CNOT6L: variants seen among roughly 807,000 people sequenced by gnomAD.
CNOT6L encodes CCR4-NOT transcription complex subunit 6-like.
In CNOT6L, 7 loss-of-function variants were observed where a neutral mutation model predicts 64.0. That is an observed-to-expected ratio of 0.11 (90% CI 0.06 to 0.21). CNOT6L has a LOEUF of 0.21. Ranked by LOEUF, CNOT6L falls within the 10% of genes least tolerant of loss-of-function variation. The pLI, the probability that CNOT6L is intolerant of heterozygous loss-of-function variation, is 1.00. For missense variants in CNOT6L, 245 were observed against 669.0 expected, an observed-to-expected ratio of 0.37 and a Z score of 6.99; for synonymous variants, 193 against 243.4, an observed-to-expected ratio of 0.79 and a Z score of 1.93.
At chr4:77,731,605 A>G (rs1722441862) in intron 8 of CNOT6L, 67 bp from the exon 9 acceptor site, 2 of 1,174,008 alleles carry the variant, frequency 1.7e-6, no homozygotes, top group South Asian at 3.1e-5. Context: ...AAATGAAAGA[A>G]ACATGACATG....
chr4:77,779,046 C>CAAAAAA (rs747920305), intron 1 of CNOT6L, among the ~76,000 whole-genome samples: 177 of 67,100 alleles, frequency 2.6e-3, no homozygotes, highest in African/African-American at 3.8e-3. Flanking sequence ...GACTCTGTCT[C>CAAAAAA]AAAAAAAAAA....
At chr4:77,726,637 G>A (rs778881009) in intron 10 of CNOT6L, among the ~76,000 whole-genome samples, 1 of 152,144 alleles carries the variant, frequency 6.6e-6, no homozygotes, top group Non-Finnish European at 1.5e-5. Flanking sequence ...TTTTCTTAGT[G>A]GTTTTTCAGG....
intron 1 of CNOT6L, among the ~76,000 whole-genome samples, chr4:77,809,615 A>G (rs750129351): frequency 2.1e-4 from 32 of 152,124 alleles, no homozygotes; most frequent in Non-Finnish European, 3.8e-4. Flanking sequence ...AAATATGATA[A>G]ACATTATGAT....
intron 1 of CNOT6L, among the ~76,000 whole-genome samples, chr4:77,807,154 T>C (rs1732318077): frequency 6.6e-6 from 1 of 151,602 alleles, no homozygotes; most frequent in Admixed American, 6.6e-5. Flanking sequence ...GGTGTGTGCC[T>C]GTAATCCCAG....
chr4:77,714,073 C>G lies in CNOT6L; in HGVS notation c.*6358G>C, dbSNP rs1293019204. 6.6e-6 allele frequency: 1 copy of G among 152,446 alleles called. No individual in the cohort carries two copies. Among genetic ancestry groups the G allele is most frequent in the Non-Finnish European group, 1.5e-5 (1 of 67,994 alleles). The allele number at this position is 152,446 out of a possible 1,614,324, so 9.4% of individuals were successfully genotyped here. A position where few individuals can be genotyped will look rare whatever the true frequency, so the allele number is the denominator to read the frequency against. ...AGCAGAATTTGTTTTGGAATAGTAT[C>G]AATGGAAACTACCAAGTATTCAGGG... On this transcript the variant is annotated 3_prime_UTR_variant, in exon 12 of 12. Coordinates refer to ENST00000504123, the MANE Select transcript of CNOT6L (RefSeq NM_144571.3).
upstream of CNOT6L, among the ~76,000 whole-genome samples, chr4:77,819,897 G>A (rs1170281695): frequency 4.6e-5 from 7 of 151,422 alleles, 1 homozygote; most frequent in Admixed American, 4.6e-4. Flanking sequence ...CGAGGACAGT[G>A]ACCCCAGGCG....
chr4:77,763,958 AGT>A, intron 4 of CNOT6L, among the ~76,000 whole-genome samples: 1 of 152,370 alleles, frequency 6.6e-6, no homozygotes, highest in South Asian at 2.1e-4. Flanking sequence ...CTATCAAAAT[AGT>A]GTATGCAACA....
chr4:77,725,932 TTTG>T (rs1380564453), intron 11 of CNOT6L, among the ~76,000 whole-genome samples: 3 of 151,712 alleles, frequency 2.0e-5, no homozygotes, highest in South Asian at 2.1e-4. Flanking sequence ...TTTAGAAGTT[TTTG>T]TTATTATATT....
chr4:77,791,507 G>T (rs1730145342), intron 1 of CNOT6L, among the ~76,000 whole-genome samples: 1 of 151,972 alleles, frequency 6.6e-6, no homozygotes, highest in South Asian at 2.1e-4. Flanking sequence ...AAATAAATGG[G>T]TATGTAAAAA....
intron 1 of CNOT6L, among the ~76,000 whole-genome samples, chr4:77,777,198 T>C (rs1728249229): frequency 6.6e-6 from 1 of 152,230 alleles, no homozygotes; most frequent in South Asian, 2.1e-4. Context: ...TTTATATCTG[T>C]TGTTCTGAAG....
At position 77,726,487 on chromosome 4, in the gene CNOT6L, C is replaced by T. The variant is rs753557622; in HGVS notation, c.1253-118G>A. ...CTCAGAGTGGTCTTCTTAGGTTGAG[C>T]CATATAAAACTGCCTTTTGTTGTTG... On this transcript the variant is annotated intron_variant, in intron 10 of 11. Coordinates refer to ENST00000504123, the MANE Select transcript of CNOT6L (RefSeq NM_144571.3). 446 of 661,546 alleles carry T rather than the reference C, an allele frequency of 6.7e-4. 4 individuals are homozygous for T. The highest frequency in any genetic ancestry group is 1.2e-4 in the Non-Finnish European group (50 of 404,866). The allele number at this position is 661,546 out of a possible 1,614,324, so 41.0% of individuals were successfully genotyped here. A position where few individuals can be genotyped will look rare whatever the true frequency, so the allele number is the denominator to read the frequency against.
At position 77,715,817 on chromosome 4, in the gene CNOT6L, A is replaced by T. The variant is rs1720689998; in HGVS notation, c.*4614T>A. Reference sequence around the variant, plus strand: ...TAAAGGTGAGCATATCATTCTATAAAATGAAAGATGCTCTTGGCATCCTGT... The same window carrying T: ...TAAAGGTGAGCATATCATTCTATAATATGAAAGATGCTCTTGGCATCCTGT... On this transcript the variant is annotated 3_prime_UTR_variant, in exon 12 of 12. Coordinates refer to ENST00000504123, the MANE Select transcript of CNOT6L (RefSeq NM_144571.3). The T allele has an allele frequency of 1.3e-5, 2 of 152,538 alleles. No homozygotes were observed. The highest frequency in any genetic ancestry group is 1.3e-4 in the Admixed American group (2 of 15,244). 9.4% of individuals were successfully genotyped at this position (152,538 alleles called of 1,614,324 possible).
chr4:77,761,174 G>A (rs534154116), intron 4 of CNOT6L, among the ~76,000 whole-genome samples: 1 of 152,056 alleles, frequency 6.6e-6, no homozygotes, highest in African/African-American at 2.4e-5. Context: ...CCAAAAATGT[G>A]CTGCTCTGTA....
At chr4:77,815,064 C>G (rs1733405277) in intron 1 of CNOT6L, among the ~76,000 whole-genome samples, 1 of 152,116 alleles carries the variant, frequency 6.6e-6, no homozygotes, top group African/African-American at 2.4e-5. Flanking sequence ...CAGCAACAAA[C>G]AAGAGAATAT....
At chr4:77,754,816 T>C (rs1401378580) in intron 5 of CNOT6L, among the ~76,000 whole-genome samples, 1 of 133,854 alleles carries the variant, frequency 7.5e-6, no homozygotes, top group Non-Finnish European at 1.6e-5. Context: ...GACAACCTAA[T>C]CAATAAATGG....
chr4:77,767,369 G>A (rs1404590048), intron 4 of CNOT6L, among the ~76,000 whole-genome samples: 3 of 151,998 alleles, frequency 2.0e-5, no homozygotes, highest in Non-Finnish European at 4.4e-5. Context: ...GAAGAGCCAC[G>A]GTGCCCAAAT....
intron 10 of CNOT6L, among the ~76,000 whole-genome samples, chr4:77,727,967 T>G (rs74427927): frequency 0.033 from 5,040 of 152,290 alleles, 276 homozygotes; most frequent in African/African-American, 0.12. Flanking sequence ...GTTACTTACT[T>G]TAAATAACTT....
intron 1 of CNOT6L, among the ~76,000 whole-genome samples, chr4:77,779,057 AAAAAACAAAAAAAAAACAC>A (rs1728513003): frequency 1.0e-5 from 1 of 95,638 alleles, no homozygotes; most frequent in Non-Finnish European, 2.3e-5. Flanking sequence ...AAAAAAAAAA[AAAAAACAAAAAAAAAACAC>A]AAAAAACACA....
chr4:77,744,799 G>C lies in CNOT6L; in HGVS notation c.636C>G (p.Ser212=), dbSNP rs1577939777. Residue 212 remains serine (S), a synonymous_variant, in exon 7 of 12, where the codon TCC becomes TCG. Transcript: ENST00000504123. ...ATRQLYGYCP[S]WALNWEYRKK... ...TCCTGTATTCCCAGTTTAATGCCCA[G>C]GATGGGCAATAGCCATATAGCTGCC... The C allele has an allele frequency of 2.5e-6, 4 of 1,611,890 alleles. No homozygotes were observed. In the East Asian group the frequency reaches 8.9e-5, roughly 36 times the overall value.
Sources: gnomAD v4.1 joint callset for allele counts (sites outside exome capture counted in the v4.1 genomes callset) on GRCh38, gnomAD v4.1.1 for gene constraint, MANE v1.5 for transcripts, NCBI Gene and HGNC (gene_info 2026-07-23, HGNC 2026-07-21) for gene names.